The following LIN54 variants were observed in gnomAD, a reference collection of about 807,000 sequenced individuals.
LIN54 encodes protein lin-54 homolog.
In LIN54, 9 loss-of-function variants were observed where a neutral mutation model predicts 78.7. The ratio of observed to expected loss-of-function variants is 0.11; its 90% confidence interval spans 0.07 to 0.20. The LOEUF (loss-of-function observed/expected upper bound fraction) is 0.20. LIN54 is among the 10% of genes least tolerant of loss of function. The pLI, the probability that LIN54 is intolerant of heterozygous loss-of-function variation, is 1.00. For missense variants in LIN54, 573 were observed against 889.9 expected (o/e 0.64, Z 4.53); for synonymous variants, 269 against 318.4 (o/e 0.84, Z 1.65).
Position 83,010,752 on chromosome 4 carries a change from C to T in LIN54, c.-301G>A. The T allele has an allele frequency of 8.9e-6, 11 of 1,231,224 alleles. No homozygotes were observed. Among genetic ancestry groups the T allele is most frequent in the Non-Finnish European group, 1.0e-5 (10 of 987,518 alleles). 76.3% of individuals were successfully genotyped at this position (1,231,224 alleles called of 1,614,324 possible). ...GAAAGATCCGCCATTTTCACCTCGT[C>T]ATCACCATCACAGCTCAGCAGCTTC... On this transcript the variant is annotated 5_prime_UTR_variant, in exon 1 of 13. An upstream start codon of the reference 5' UTR is lost. Coordinates refer to ENST00000340417, the MANE Select transcript of LIN54 (RefSeq NM_194282.4).
intron 1 of LIN54, among the ~76,000 whole-genome samples, chr4:83,009,217 A>G (rs1729656953): frequency 6.6e-6 from 1 of 152,148 alleles, no homozygotes. Flanking sequence ...CCTCTAAGTA[A>G]ACTACAAAAT....
At chr4:82,985,436 A>C (rs950638659) in intron 1 of LIN54, among the ~76,000 whole-genome samples, 9 of 152,378 alleles carry the variant, frequency 5.9e-5, no homozygotes, top group Middle Eastern at 3.4e-3. Flanking sequence ...GCAATTGCAG[A>C]TCAAATAGCA....
intron 11 of LIN54, among the ~76,000 whole-genome samples, chr4:82,931,363 T>C (rs542791304): frequency 6.6e-6 from 1 of 152,334 alleles, no homozygotes; most frequent in South Asian, 2.1e-4. Context: ...TGTGGCTGTG[T>C]CCTTCCATGT....
At chr4:82,983,582 G>T (rs1726874945) in intron 2 of LIN54, among the ~76,000 whole-genome samples, 1 of 152,080 alleles carries the variant, frequency 6.6e-6, no homozygotes, top group African/African-American at 2.4e-5. Flanking sequence ...TAAGATAGAG[G>T]CAACTCAAGC....
At chr4:82,990,332 C>G (rs1466180691) in intron 1 of LIN54, among the ~76,000 whole-genome samples, 1 of 152,200 alleles carries the variant, frequency 6.6e-6, no homozygotes, top group Non-Finnish European at 1.5e-5. Context: ...ACTTTTGACT[C>G]ACAGTACAGC....
chr4:82,965,249 A>G (rs1725110790), intron 4 of LIN54, among the ~76,000 whole-genome samples: 1 of 152,224 alleles, frequency 6.6e-6, no homozygotes, highest in Non-Finnish European at 1.5e-5. Flanking sequence ...TTGCATATCT[A>G]ATAAATATTG....
At chr4:82,931,205 GA>G in intron 11 of LIN54, 60 bp from the exon 12 acceptor site, 1 of 1,226,750 alleles carries the variant, frequency 8.2e-7, no homozygotes, top group Non-Finnish European at 1.2e-6. Context: ...ACTATAAGTA[GA>G]TGCCACAATC....
chr4:82,936,211 CAATT>C (rs1722380637), intron 10 of LIN54, 64 bp downstream of exon 10: 1 of 1,549,080 alleles, frequency 6.5e-7, no homozygotes, highest in Non-Finnish European at 8.9e-7. Context: ...CTTTGCAAGA[CAATT>C]GAGTTTTATA....
intron 2 of LIN54, among the ~76,000 whole-genome samples, chr4:82,983,023 T>G (rs1726802710): frequency 6.6e-6 from 1 of 151,338 alleles, no homozygotes; most frequent in South Asian, 2.1e-4. Context: ...TTTTTTTTTT[T>G]TGAGATGGAG....
intron 1 of LIN54, among the ~76,000 whole-genome samples, chr4:83,006,950 G>C (rs1363907026): frequency 1.3e-5 from 2 of 152,100 alleles, no homozygotes; most frequent in Non-Finnish European, 2.9e-5. Flanking sequence ...GACCAGCCTG[G>C]CCAACATGGT....
intron 1 of LIN54, among the ~76,000 whole-genome samples, chr4:82,990,645 G>A (rs1054376483): frequency 4.6e-5 from 7 of 151,908 alleles, no homozygotes; most frequent in Non-Finnish European, 8.8e-5. Flanking sequence ...CACCACGCCC[G>A]GCTAATTTTT....
chr4:82,943,543 AATAT>A (rs1200205197), intron 5 of LIN54, among the ~76,000 whole-genome samples: 1 of 152,168 alleles, frequency 6.6e-6, no homozygotes, highest in African/African-American at 2.4e-5. Flanking sequence ...CCTGTGAAAT[AATAT>A]ATATTATATA....
Position 82,951,080 on chromosome 4 carries a change from G to A in LIN54, c.952-4606C>T, listed in dbSNP as rs149287744. On this transcript the variant is annotated intron_variant, in intron 4 of 12. Transcript: ENST00000340417. ...ATCATCATGGAAAAGCTATGATTAC[G>A]TTACCCTGATCCCCAAATTGTAGGT... is the stretch of plus-strand genomic sequence containing the variant. Among the ~76,000 whole-genome samples the A allele has an allele frequency of 3.4e-3, 511 of 152,150 alleles. 6 individuals are homozygous for A. Among genetic ancestry groups the A allele is most frequent in the African/African-American group, 0.011 (471 of 41,514 alleles).
At chr4:82,939,807 T>C in intron 6 of LIN54, 71 bp from the exon 7 acceptor site, 2 of 1,587,004 alleles carry the variant, frequency 1.3e-6, no homozygotes, top group Non-Finnish European at 1.7e-6. Flanking sequence ...TATAAATCTC[T>C]TGCACCTAAA....
intron 3 of LIN54, among the ~76,000 whole-genome samples, chr4:82,974,164 C>T (rs11937741): frequency 0.12 from 17,688 of 151,188 alleles, 1,152 homozygotes; most frequent in East Asian, 0.24. Flanking sequence ...GAGCCGAGAT[C>T]GCACCACTGC....
intron 1 of LIN54, among the ~76,000 whole-genome samples, chr4:82,988,403 C>T (rs1727357633): frequency 6.6e-6 from 1 of 152,180 alleles, no homozygotes; most frequent in Non-Finnish European, 1.5e-5. Flanking sequence ...AAATTGACCA[C>T]AATTTGTATA....
intron 5 of LIN54, among the ~76,000 whole-genome samples, chr4:82,942,448 CTT>C (rs1263702455): frequency 6.6e-6 from 1 of 152,196 alleles, no homozygotes; most frequent in African/African-American, 2.4e-5. Flanking sequence ...GTGTAAGACT[CTT>C]TTCCTGTATG....
intron 4 of LIN54, among the ~76,000 whole-genome samples, chr4:82,953,728 T>G (rs1396306931): frequency 6.6e-6 from 1 of 152,158 alleles, no homozygotes; most frequent in East Asian, 1.9e-4. Flanking sequence ...GGTGAGCAGA[T>G]CACTTGAGCC....
Position 83,010,816 on chromosome 4 carries a change from C to A in LIN54, c.-365G>T. 8.1e-7 allele frequency: 1 copy of A among 1,233,994 alleles called. No individual in the cohort carries two copies. The highest frequency in any genetic ancestry group is 4.2e-5 in the Admixed American group (1 of 23,722). 76.4% of individuals were successfully genotyped at this position (1,233,994 alleles called of 1,614,324 possible). A position where few individuals can be genotyped will look rare whatever the true frequency, so the allele number is the denominator to read the frequency against. On this transcript the variant is annotated 5_prime_UTR_variant, in exon 1 of 13. Transcript: ENST00000340417. ...GCCCGGGCCGCCGCCGCCGCCGCCA[C>A]CACCAGTAACCTCCCCCTTCCTCCT...
Sources: allele counts gnomAD v4.1 joint callset (sites outside exome capture counted in the v4.1 genomes callset), GRCh38; gene constraint gnomAD v4.1.1; transcripts MANE v1.5; gene names NCBI Gene and HGNC (gene_info 2026-07-23, HGNC 2026-07-21).